The following LARGE1 variants were observed in gnomAD, a reference collection of about 807,000 sequenced individuals.
LARGE1 encodes the protein LARGE xylosyl- and glucuronyltransferase 1.
Under a neutral mutation model 87.6 loss-of-function variants are expected in LARGE1, and 43 were observed. The ratio of observed to expected loss-of-function variants is 0.49; its 90% confidence interval spans 0.38 to 0.63. LARGE1 has a LOEUF of 0.63. Among genes scored for constraint, LARGE1 ranks in the 30% least tolerant of loss-of-function variants. The pLI is 0.00. For synonymous variants in LARGE1, 434 were observed against 394.6 expected, an observed-to-expected ratio of 1.10 and a Z score of -1.18; for missense variants, 802 against 1,000.2, an observed-to-expected ratio of 0.80 and a Z score of 2.67.
chr22:33,911,514 C>T (rs906769854), intron 1 of LARGE1, among the ~76,000 whole-genome samples: 5 of 151,886 alleles, frequency 3.3e-5, no homozygotes, highest in African/African-American at 1.2e-4. Context: ...CCACTTCATC[C>T]TCCTGACATG....
intron 1 of LARGE1, among the ~76,000 whole-genome samples, chr22:33,888,796 G>T (rs1033336108): frequency 5.3e-5 from 8 of 152,230 alleles, no homozygotes; most frequent in Non-Finnish European, 1.5e-5. Flanking sequence ...GGCAGAGGTT[G>T]CAGAGAGCCA....
intron 7 of LARGE1, among the ~76,000 whole-genome samples, chr22:33,413,851 G>A (rs74564881): frequency 1.1e-4 from 16 of 152,124 alleles, no homozygotes; most frequent in Non-Finnish European, 2.4e-4. Context: ...TGCCATCCAT[G>A]TTGTCACAGA....
chr22:33,796,205 A>C (rs1003248922), intron 1 of LARGE1, among the ~76,000 whole-genome samples: 1 of 152,236 alleles, frequency 6.6e-6, no homozygotes, highest in Admixed American at 6.5e-5. Flanking sequence ...AAACAAATTA[A>C]GAGTTTGAGT....
chr22:33,847,618 T>C (rs2063472050), intron 1 of LARGE1, among the ~76,000 whole-genome samples: 1 of 152,230 alleles, frequency 6.6e-6, no homozygotes, highest in Admixed American at 6.5e-5. Flanking sequence ...CCCCATTAAA[T>C]CCAGTCCACT....
At chr22:33,711,789 A>C (rs2267269) in intron 2 of LARGE1, among the ~76,000 whole-genome samples, 5,468 of 152,146 alleles carry the variant, frequency 0.036, 252 homozygotes, top group East Asian at 0.25. Flanking sequence ...TGAGACTACA[A>C]GTGAGCACCA....
At chr22:33,611,687 T>C (rs2079433850) in intron 4 of LARGE1, among the ~76,000 whole-genome samples, 1 of 152,206 alleles carries the variant, frequency 6.6e-6, no homozygotes, top group African/African-American at 2.4e-5. Context: ...TGATTGTAGT[T>C]TGAAATGTGA....
chr22:33,809,502 A>G (rs1002058441), intron 1 of LARGE1, among the ~76,000 whole-genome samples: 2 of 152,234 alleles, frequency 1.3e-5, no homozygotes, highest in Non-Finnish European at 2.9e-5. Context: ...TATTAGATGC[A>G]AGGACAGATG....
intron 11 of LARGE1, among the ~76,000 whole-genome samples, chr22:33,224,159 G>A (rs970541039): frequency 3.3e-5 from 5 of 152,112 alleles, no homozygotes; most frequent in South Asian, 2.1e-4. Flanking sequence ...CCAGCTACTC[G>A]GGAGGCTGAG....
chr22:33,922,271 T>TGGGGGGGGGGGGGGGGGGGGGGGGGG (rs1280019526), upstream of LARGE1, among the ~76,000 whole-genome samples: 1 of 17,120 alleles, frequency 5.8e-5, no homozygotes. Context: ...GAGGTCGGGC[T>TGGGGGGGGGGGGGGGGGGGGGGGGGG]GGGGGGGTGG....
chr22:33,220,331 T>C (rs1340499943), intron 11 of LARGE1, among the ~76,000 whole-genome samples: 3 of 152,188 alleles, frequency 2.0e-5, no homozygotes, highest in Non-Finnish European at 4.4e-5. Flanking sequence ...TGTTTGCTGT[T>C]TTGTCAGCTT....
At chr22:33,882,096 G>T (rs1193717988) in intron 1 of LARGE1, among the ~76,000 whole-genome samples, 1 of 147,914 alleles carries the variant, frequency 6.8e-6, no homozygotes, top group Non-Finnish European at 1.5e-5. Flanking sequence ...AGGCTGGAGT[G>T]CAGTGGCACG....
At chr22:33,118,692 A>G in the LARGE1 span, among the ~76,000 whole-genome samples, 1 of 152,108 alleles carries the variant, frequency 6.6e-6, no homozygotes, top group Non-Finnish European at 1.5e-5. Context: ...TGTGACTCAT[A>G]AGAAACAGGT....
At chr22:33,824,660 C>T (rs73171921) in intron 1 of LARGE1, among the ~76,000 whole-genome samples, 3,503 of 152,188 alleles carry the variant, frequency 0.023, 62 homozygotes, top group Middle Eastern at 0.051. Context: ...ACTCTACACA[C>T]GAGGTTTATA....
chr22:33,294,025 T>C lies in LARGE1; in HGVS notation c.1730+10204A>G, dbSNP rs550653535. ...AGCCCATCCCATAATTCTGAAGGCATCTTTCTACTCTCTCTTTTCTCACCA... is the reference window on the plus strand; with the variant it reads ...AGCCCATCCCATAATTCTGAAGGCACCTTTCTACTCTCTCTTTTCTCACCA... On this transcript the variant is annotated intron_variant, in intron 12 of 14. Transcript: ENST00000397394. 2.3e-4 allele frequency among the ~76,000 whole-genome samples: 35 copies of C among 152,362 alleles called. 1 individual carries two copies. In the South Asian group the frequency reaches 7.2e-3, roughly 32 times the overall value.
intron 6 of LARGE1, among the ~76,000 whole-genome samples, chr22:33,518,873 C>T (rs894124212): frequency 1.3e-5 from 2 of 152,038 alleles, no homozygotes; most frequent in African/African-American, 2.4e-5. Context: ...TCAAAAGAGA[C>T]GGTCATGTGT....
chr22:33,397,067 C>T lies in LARGE1; in HGVS notation c.893-12763G>A, dbSNP rs742009. 8.5e-3 allele frequency among the ~76,000 whole-genome samples: 1,294 copies of T among 152,152 alleles called. 6 individuals are homozygous for T. The highest frequency in any genetic ancestry group is 0.014 in the Non-Finnish European group (918 of 67,986). ...AACAGAATATCACTAAACCAGAATCCCCCTTACAGTCAAAAACCTACCCAA... is the reference window on the plus strand; with the variant it reads ...AACAGAATATCACTAAACCAGAATCTCCCTTACAGTCAAAAACCTACCCAA... On this transcript the variant is annotated intron_variant, in intron 7 of 14. Transcript: ENST00000397394.
intron 11 of LARGE1, among the ~76,000 whole-genome samples, chr22:33,242,791 G>A (rs1406786808): frequency 2.6e-5 from 4 of 152,118 alleles, no homozygotes; most frequent in East Asian, 3.9e-4. Context: ...CTGGAGCCTC[G>A]AAGTCTGAGA....
At chr22:33,546,734 C>A (rs2077370189) in intron 6 of LARGE1, among the ~76,000 whole-genome samples, 1 of 152,192 alleles carries the variant, frequency 6.6e-6, no homozygotes, top group Admixed American at 6.5e-5. Context: ...CAGGTGCATG[C>A]CACCATATCT....
chr22:33,642,263 T>C (rs762154586), intron 3 of LARGE1, among the ~76,000 whole-genome samples: 1 of 152,182 alleles, frequency 6.6e-6, no homozygotes. Flanking sequence ...CAAACCAGAA[T>C]TTCATATCCA....
Sources: gnomAD v4.1 joint callset for allele counts (sites outside exome capture counted in the v4.1 genomes callset) on GRCh38, gnomAD v4.1.1 for gene constraint, MANE v1.5 for transcripts, NCBI Gene and HGNC (gene_info 2026-07-23, HGNC 2026-07-21) for gene names.